Variants in GRIA1 observed in about 807,000 individuals in gnomAD.
GRIA1 encodes the protein glutamate receptor 1.
A neutral mutation model predicts 99.2 loss-of-function variants in GRIA1; 31 were observed. The observed-to-expected ratio is 0.31, with a 90% CI of 0.23 to 0.42. The LOEUF (loss-of-function observed/expected upper bound fraction) is 0.42. GRIA1 is among the 10% of genes least tolerant of loss of function. GRIA1 has a pLI of 1.00. For synonymous variants in GRIA1, 438 were observed against 432.4 expected, an observed-to-expected ratio of 1.01 and a Z score of -0.16; for missense variants, 782 against 1,157.5, an observed-to-expected ratio of 0.68 and a Z score of 4.71.
intron 2 of GRIA1, among the ~76,000 whole-genome samples, chr5:153,552,267 G>T (rs11745937): frequency 2.2e-4 from 33 of 151,706 alleles, no homozygotes; most frequent in Admixed American, 4.6e-4. Flanking sequence ...AAAGAAGAAG[G>T]TTTGGCAGTA....
At chr5:153,655,501 A>T (rs924531649) in intron 4 of GRIA1, among the ~76,000 whole-genome samples, 2 of 152,202 alleles carry the variant, frequency 1.3e-5, no homozygotes, top group Non-Finnish European at 2.9e-5. Flanking sequence ...AGCATTTCAG[A>T]TGGGTCCTTG....
chr5:153,664,418 AG>A (rs1755595988), intron 5 of GRIA1, among the ~76,000 whole-genome samples: 1 of 152,154 alleles, frequency 6.6e-6, no homozygotes, highest in South Asian at 2.1e-4. Flanking sequence ...TTTCTGTGAC[AG>A]AGGGCAGTAA....
At position 153,753,673 on chromosome 5, in the gene GRIA1, C is replaced by A. The variant is rs973849392; in HGVS notation, c.1824-10761C>A. Among the ~76,000 whole-genome samples the A allele has an allele frequency of 2.7e-5, 4 of 149,092 alleles. No homozygotes were observed. In the South Asian group the frequency reaches 6.5e-4, roughly 24 times the overall value. ...AAGTAAGATAATAGATTCAACAAGC[C>A]ACATAAGTTATAGCCAATTCTGCAG... is the stretch of plus-strand genomic sequence containing the variant. On this transcript the variant is annotated intron_variant, in intron 11 of 15. Coordinates refer to ENST00000285900, the MANE Select transcript of GRIA1 (RefSeq NM_000827.4).
intron 11 of GRIA1, among the ~76,000 whole-genome samples, chr5:153,758,482 C>A (rs10058464): frequency 0.12 from 18,695 of 151,618 alleles, 1,231 homozygotes; most frequent in Middle Eastern, 0.26. Context: ...AATTATATAA[C>A]GGTAAAGGAG....
At chr5:153,608,628 A>G (rs1005668922) in intron 2 of GRIA1, among the ~76,000 whole-genome samples, 3 of 152,202 alleles carry the variant, frequency 2.0e-5, no homozygotes, top group African/African-American at 7.2e-5. Context: ...TGATAAAATT[A>G]TCAATCCTTC....
chr5:153,765,818 A>G (rs62383410), intron 12 of GRIA1, among the ~76,000 whole-genome samples: 8,017 of 152,346 alleles, frequency 0.053, 236 homozygotes, highest in Middle Eastern at 0.13. Flanking sequence ...CTCATTAAAG[A>G]TGAGTTAGAG....
At chr5:153,783,682 T>C (rs1284501830) in intron 13 of GRIA1, among the ~76,000 whole-genome samples, 1 of 152,250 alleles carries the variant, frequency 6.6e-6, no homozygotes, top group East Asian at 1.9e-4. Flanking sequence ...GAAACCCCTA[T>C]GGTTTATCTC....
intron 10 of GRIA1, among the ~76,000 whole-genome samples, chr5:153,703,346 C>G (rs555497683): frequency 6.6e-6 from 1 of 152,298 alleles, no homozygotes; most frequent in South Asian, 2.1e-4. Flanking sequence ...AGTTCTGCCC[C>G]AAGCATGTTT....
intron 8 of GRIA1, among the ~76,000 whole-genome samples, chr5:153,691,454 G>A (rs1302834333): frequency 1.3e-5 from 2 of 152,032 alleles, no homozygotes; most frequent in South Asian, 2.1e-4. Context: ...ATTTCAATTC[G>A]ATTTGAGTGG....
At chr5:153,719,814 C>T (rs939120475) in intron 11 of GRIA1, among the ~76,000 whole-genome samples, 3 of 151,972 alleles carry the variant, frequency 2.0e-5, no homozygotes, top group African/African-American at 7.3e-5. Context: ...ATCTGCCATA[C>T]TTTATATATA....
At chr5:153,717,740 G>C (rs1227643198) in intron 11 of GRIA1, among the ~76,000 whole-genome samples, 1 of 152,174 alleles carries the variant, frequency 6.6e-6, no homozygotes, top group East Asian at 1.9e-4. Flanking sequence ...TTGTTGATTG[G>C]TGTTAAGACT....
intron 10 of GRIA1, among the ~76,000 whole-genome samples, chr5:153,703,173 T>C (rs979633119): frequency 6.6e-6 from 1 of 152,206 alleles, no homozygotes; most frequent in East Asian, 1.9e-4. Flanking sequence ...AATGAAGTAG[T>C]TGAACTTAGC....
At chr5:153,590,506 ATGTGTGTG>A (rs5872325) in intron 2 of GRIA1, among the ~76,000 whole-genome samples, 13,802 of 147,808 alleles carry the variant, frequency 0.093, 1,235 homozygotes, top group African/African-American at 0.23. Context: ...AGCTATTGAA[ATGTGTGTG>A]TGTGTGTGTG....
At chr5:153,593,797 C>G (rs1182472593) in intron 2 of GRIA1, among the ~76,000 whole-genome samples, 1 of 152,104 alleles carries the variant, frequency 6.6e-6, no homozygotes, top group African/African-American at 2.4e-5. Flanking sequence ...TTCCTGGGAC[C>G]AACACTTTTC....
At chr5:153,648,677 A>T (rs2149455559) in intron 3 of GRIA1, among the ~76,000 whole-genome samples, 1 of 152,342 alleles carries the variant, frequency 6.6e-6, no homozygotes, top group African/African-American at 2.4e-5. Flanking sequence ...CAAAGATAGG[A>T]AGGCATAGCA....
At chr5:153,592,195 G>A (rs1395529316) in intron 2 of GRIA1, among the ~76,000 whole-genome samples, 1 of 152,230 alleles carries the variant, frequency 6.6e-6, no homozygotes, top group Non-Finnish European at 1.5e-5. Context: ...TCCTTGAACT[G>A]TCCAAGCCAT....
intron 11 of GRIA1, among the ~76,000 whole-genome samples, chr5:153,739,227 T>C (rs762339159): frequency 2.0e-5 from 3 of 152,156 alleles, no homozygotes; most frequent in Non-Finnish European, 2.9e-5. Flanking sequence ...TCTCATTGTA[T>C]CACCTCTGCC....
Position 153,515,625 on chromosome 5 carries a change from A to G in GRIA1, c.220+21560A>G, listed in dbSNP as rs1288150391. Among the ~76,000 whole-genome samples the G allele has an allele frequency of 2.0e-5, 3 of 152,230 alleles. No individual in the cohort carries two copies. The South Asian group carries it at 6.2e-4, about 31-fold the overall frequency. On this transcript the variant is annotated intron_variant, in intron 2 of 15. Coordinates refer to ENST00000285900, the MANE Select transcript of GRIA1 (RefSeq NM_000827.4). ...AGACTGGATTTTAAATGTTCTCACC[A>G]CAAAGAAATGACAAGTATGTGAGGT...
At chr5:153,810,928 G>A in intron 15 of GRIA1, 97 bp from the exon 16 acceptor site, 1 of 845,352 alleles carries the variant, frequency 1.2e-6, no homozygotes, top group South Asian at 1.4e-5. Context: ...GGATGGGAAA[G>A]CAGAGTTGGA....
Sources: gnomAD v4.1 joint callset for allele counts (sites outside exome capture counted in the v4.1 genomes callset) on GRCh38, gnomAD v4.1.1 for gene constraint, MANE v1.5 for transcripts, NCBI Gene and HGNC (gene_info 2026-07-23, HGNC 2026-07-21) for gene names.